Variants in ZNF487 observed in about 807,000 individuals in gnomAD.
The protein encoded by ZNF487 is KRAB domain only 1.
In ZNF487, 4 loss-of-function variants were observed where a neutral mutation model predicts 3.0. That is an observed-to-expected ratio of 1.35 (90% confidence interval 0.66 to 3.08). The LOEUF (loss-of-function observed/expected upper bound fraction) is 3.08, where lower values mean the gene tolerates loss of function less well. ZNF487 is among the 30% of genes most tolerant of loss of function. The probability of loss-of-function intolerance (pLI) is 0.01; values close to 1 mark genes in which losing one functional copy is unlikely to be tolerated. For missense variants in ZNF487, 146 were observed against 98.7 expected (o/e 1.48, Z -2.03); for synonymous variants, 55 against 34.6 (o/e 1.59, Z -2.06).
At chr10:43,516,377 C>A in the ZNF487 span, among the ~76,000 whole-genome samples, 1 of 152,142 alleles carries the variant, frequency 6.6e-6, no homozygotes, top group African/African-American at 2.4e-5. Flanking sequence ...AATGAAAGAC[C>A]TTCATACTTA....
chr10:43,464,182 CT>C (rs113898079), intron 1 of ZNF487, among the ~76,000 whole-genome samples: 261 of 139,950 alleles, frequency 1.9e-3, no homozygotes, highest in Middle Eastern at 3.7e-3. Flanking sequence ...CTTTTTTTTT[CT>C]TTTTTTTTTT....
At chr10:43,463,030 T>C (rs142279265) in intron 1 of ZNF487, among the ~76,000 whole-genome samples, 1,814 of 151,378 alleles carry the variant, frequency 0.012, 19 homozygotes, top group Non-Finnish European at 0.017. Flanking sequence ...AGGTCGGGAG[T>C]TTGAGACCAG....
chr10:43,504,933 C>T, the ZNF487 span, among the ~76,000 whole-genome samples: 4 of 151,896 alleles, frequency 2.6e-5, no homozygotes, highest in African/African-American at 7.3e-5. Flanking sequence ...CTCAAACTCC[C>T]GAGCTCAGGC....
chr10:43,473,269 G>A (rs2132128690), intron 1 of ZNF487, among the ~76,000 whole-genome samples: 1 of 150,360 alleles, frequency 6.7e-6, no homozygotes, highest in South Asian at 2.1e-4. Flanking sequence ...TGTATTATTA[G>A]TAGATATGGG....
chr10:43,437,132 C>T lies in ZNF487; in HGVS notation c.-224C>T. On this transcript the variant is annotated 5_prime_UTR_variant, in exon 1 of 4. Transcript: ENST00000437590. ...GCCCAGGGAGCGCTGCGGCAGTTTC[C>T]ATGGTGAGATGGTCAACAAGCCTGT... 3.3e-6 allele frequency: 1 copy of T among 299,508 alleles called. No homozygotes were observed. The highest frequency in any genetic ancestry group is 2.4e-5 in the South Asian group (1 of 41,808). The allele number at this position is 299,508 out of a possible 1,614,324, so 18.6% of individuals were successfully genotyped here.
chr10:43,437,212 C>A lies in ZNF487; in HGVS notation c.-144C>A, dbSNP rs963856098. On this transcript the variant is annotated 5_prime_UTR_variant, in exon 1 of 4. Transcript: ENST00000437590. Reference sequence around the variant, plus strand: ...TCGGGTTCCTCCCTCCTCCGAGAGACCGCCGAGGTGCGGGCTGTGAGAGGG... The same window carrying A: ...TCGGGTTCCTCCCTCCTCCGAGAGAACGCCGAGGTGCGGGCTGTGAGAGGG... The A allele has an allele frequency of 2.4e-5, 6 of 246,762 alleles. No homozygotes were observed. Among genetic ancestry groups the A allele is most frequent in the Non-Finnish European group, 4.1e-5 (5 of 122,082 alleles). 15.3% of individuals were successfully genotyped at this position (246,762 alleles called of 1,614,324 possible). A position where few individuals can be genotyped will look rare whatever the true frequency, so the allele number is the denominator to read the frequency against.
intron 1 of ZNF487, among the ~76,000 whole-genome samples, chr10:43,440,990 C>T (rs1350719103): frequency 1.4e-5 from 2 of 146,648 alleles, no homozygotes; most frequent in African/African-American, 5.1e-5. Flanking sequence ...CCTTAGCCTC[C>T]CAAGTAGCTA....
rs942641583 is a variant in ZNF487 at position 43,464,132 on chromosome 10, C to G, written c.-93-11589C>G. Among the ~76,000 whole-genome samples, 4 of 151,844 alleles carry G rather than the reference C, an allele frequency of 2.6e-5. No homozygotes were observed. The East Asian group carries it at 7.8e-4, about 29-fold the overall frequency. On this transcript the variant is annotated intron_variant, in intron 1 of 3. Coordinates refer to ENST00000437590, the MANE Select transcript of ZNF487 (RefSeq NM_001355444.3). ...AAGCCAAGACAGGCCTAAATTAGGC[C>G]TCTTGTGCCGAACAGCCCAAATGTA...
At chr10:43,486,431 C>T (rs1212894664), downstream of ZNF487, among the ~76,000 whole-genome samples, 3 of 151,842 alleles carry the variant, frequency 2.0e-5, no homozygotes, top group Non-Finnish European at 4.4e-5. Context: ...GAGGCTGAGG[C>T]AGGAGAATCG....
chr10:43,462,684 G>A (rs1840474228), intron 1 of ZNF487, among the ~76,000 whole-genome samples: 1 of 151,592 alleles, frequency 6.6e-6, no homozygotes, highest in Non-Finnish European at 1.5e-5. Flanking sequence ...ACGATCTCTT[G>A]ACCTCGTGAT....
At chr10:43,515,955 G>A in the ZNF487 span, among the ~76,000 whole-genome samples, 110 of 152,068 alleles carry the variant, frequency 7.2e-4, no homozygotes, top group African/African-American at 2.6e-3. Context: ...TTTTGTGTGT[G>A]TGTATTTTAG....
chr10:43,463,867 A>C (rs1840537052), intron 1 of ZNF487, among the ~76,000 whole-genome samples: 1 of 152,026 alleles, frequency 6.6e-6, no homozygotes, highest in South Asian at 2.1e-4. Flanking sequence ...ACCGTATATA[A>C]GATGGTTAAA....
chr10:43,522,531 C>G, the ZNF487 span, among the ~76,000 whole-genome samples: 2 of 151,624 alleles, frequency 1.3e-5, no homozygotes, highest in African/African-American at 2.4e-5. Flanking sequence ...GTCAGGAGTT[C>G]GAGACCAGCC....
the ZNF487 span, among the ~76,000 whole-genome samples, chr10:43,500,075 G>A: frequency 7.5e-3 from 1,141 of 152,090 alleles, 13 homozygotes; most frequent in African/African-American, 0.026. Context: ...GTAAAGATGG[G>A]ATTTCACCAG....
intron 1 of ZNF487, among the ~76,000 whole-genome samples, chr10:43,465,884 C>G (rs1436691219): frequency 1.3e-5 from 2 of 152,216 alleles, no homozygotes. Flanking sequence ...CCACTGCACT[C>G]CAGCCTGGGC....
chr10:43,452,863 AC>A (rs1456089354), intron 1 of ZNF487: 1 of 151,976 alleles, frequency 6.6e-6, no homozygotes, highest in Non-Finnish European at 1.5e-5. Context: ...TTATTCAGTA[AC>A]CACTGACAGT....
chr10:43,512,618 C>T, the ZNF487 span, among the ~76,000 whole-genome samples: 1 of 152,164 alleles, frequency 6.6e-6, no homozygotes, highest in East Asian at 1.9e-4. Context: ...CCTATGGGGG[C>T]CTGCCAAAGG....
At chr10:43,520,981 C>A in the ZNF487 span, among the ~76,000 whole-genome samples, 1 of 152,144 alleles carries the variant, frequency 6.6e-6, no homozygotes, top group Non-Finnish European at 1.5e-5. Flanking sequence ...GGACACTAGG[C>A]TCAGGGATGT....
At chr10:43,454,937 CAAA>C (rs58217923) in intron 1 of ZNF487, among the ~76,000 whole-genome samples, 1 of 85,424 alleles carries the variant, frequency 1.2e-5, no homozygotes, top group African/African-American at 4.7e-5. Flanking sequence ...GACCTTGTCT[CAAA>C]AAAAAAAAAA....
Sources: allele counts gnomAD v4.1 joint callset (sites outside exome capture counted in the v4.1 genomes callset), GRCh38; gene constraint gnomAD v4.1.1; transcripts MANE v1.5; gene names NCBI Gene and HGNC (gene_info 2026-07-23, HGNC 2026-07-21).